The following AMTN variants were observed in gnomAD, a reference collection of about 807,000 sequenced individuals.
The protein encoded by AMTN is amelotin, also known as RSTI689.
Under a neutral mutation model 27.4 loss-of-function variants are expected in AMTN, and 29 were observed. The ratio of observed to expected loss-of-function variants is 1.06; its 90% CI spans 0.79 to 1.44. AMTN has a LOEUF of 1.44. Among genes scored for constraint, AMTN ranks in the 40% most tolerant of loss-of-function variants. AMTN has a pLI of 0.00. For missense variants in AMTN, 247 were observed against 248.8 expected (o/e 0.99, Z 0.05); for synonymous variants, 86 against 95.7 (o/e 0.90, Z 0.59).
At chr4:70,526,030 G>T (rs1248648964) in intron 5 of AMTN, among the ~76,000 whole-genome samples, 2 of 152,122 alleles carry the variant, frequency 1.3e-5, no homozygotes, top group Non-Finnish European at 2.9e-5. Context: ...CAACATAATG[G>T]TCTAATTTTT....
At chr4:70,520,673 G>T (rs949767562) in intron 2 of AMTN, among the ~76,000 whole-genome samples, 20 of 152,168 alleles carry the variant, frequency 1.3e-4, no homozygotes, top group Admixed American at 6.5e-5. Context: ...GATAAATGGT[G>T]AGCAGTCTAA....
chr4:70,531,538 G>T (rs1303879342), intron 8 of AMTN, among the ~76,000 whole-genome samples: 1 of 152,034 alleles, frequency 6.6e-6, no homozygotes, highest in Non-Finnish European at 1.5e-5. Context: ...TTTGAGACAG[G>T]GTCTTGCTCT....
At chr4:70,520,476 G>T (rs1735930572) in intron 2 of AMTN, among the ~76,000 whole-genome samples, 1 of 152,184 alleles carries the variant, frequency 6.6e-6, no homozygotes, top group African/African-American at 2.4e-5. Context: ...AAAACACAAT[G>T]AGTAGAAGAA....
intron 2 of AMTN, among the ~76,000 whole-genome samples, chr4:70,519,701 T>A (rs1735907175): frequency 6.8e-6 from 1 of 146,332 alleles, no homozygotes; most frequent in South Asian, 2.2e-4. Context: ...GACATTAATT[T>A]TTTTTTTAAC....
intron 2 of AMTN, among the ~76,000 whole-genome samples, chr4:70,521,546 T>G (rs1735967267): frequency 1.4e-5 from 2 of 147,616 alleles, no homozygotes; most frequent in Admixed American, 6.8e-5. Context: ...CTTACAAAAT[T>G]TATATATATT....
At chr4:70,528,681 C>T in intron 5 of AMTN, 42 bp from the exon 6 acceptor site, 1 of 1,576,666 alleles carries the variant, frequency 6.3e-7, no homozygotes, top group Non-Finnish European at 8.7e-7. Flanking sequence ...ATACCATCTT[C>T]CAGAGCTTAC....
chr4:70,520,000 T>C (rs978763021), intron 2 of AMTN, among the ~76,000 whole-genome samples: 1 of 127,500 alleles, frequency 7.8e-6, no homozygotes, highest in South Asian at 2.3e-4. Context: ...CAAGGTAAAG[T>C]ATGAAGTTAA....
chr4:70,524,008 A>T, intron 4 of AMTN, 75 bp downstream of exon 4: 1 of 1,244,404 alleles, frequency 8.0e-7, no homozygotes, highest in Non-Finnish European at 1.2e-6. Context: ...TGGGGGGAGC[A>T]TGTATATGGG....
Position 70,524,915 on chromosome 4 carries a change from C to T in AMTN, c.248C>T (p.Pro83Leu). ...AGMTPGTQTH[P>L]LTLGGLNVQQ... ...ATGACACCTGGTACCCAGACCCACC[C>T]ATTGACCCTGGGAGGGTTGAATGTA... The change falls in exon 5 of 9, where the codon CCA (proline) becomes CTA (leucine). Residue 83 changes from proline to leucine, a missense_variant. Coordinates refer to ENST00000339336, the MANE Select transcript of AMTN (RefSeq NM_212557.4). 1 of 1,614,084 alleles carries T rather than the reference C, an allele frequency of 6.2e-7. No individual in the cohort carries two copies. Among genetic ancestry groups the T allele is most frequent in the Non-Finnish European group, 8.5e-7 (1 of 1,179,956 alleles).
chr4:70,529,356 T>C (rs1577935497), intron 7 of AMTN, 146 bp downstream of exon 7: 1 of 484,944 alleles, frequency 2.1e-6, no homozygotes, highest in Middle Eastern at 5.7e-4. Context: ...TACATTAGAT[T>C]ATCCTTTCTT....
Position 70,531,092 on chromosome 4 carries a change from GC to G in AMTN, c.414del (p.Thr139ProfsTer22), listed in dbSNP as rs1352387813. 6.2e-7 allele frequency: 1 copy of G among 1,613,862 alleles called. No homozygotes were observed. The highest frequency in any genetic ancestry group is 1.3e-5 in the African/African-American group (1 of 74,876). Reference sequence around the variant, plus strand: ...ATTCCTTGTTCCCGGGAGGCATCCTGCCCACCAGTCAGGCAGGGGCTAATCC... The same window carrying G: ...ATTCCTTGTTCCCGGGAGGCATCCTGCCACCAGTCAGGCAGGGGCTAATCC... ...IHSLFPGGIL[P>X]TSQAGANPDV... On this transcript the variant is annotated frameshift_variant, in exon 8 of 9. Coordinates refer to ENST00000339336, the MANE Select transcript of AMTN (RefSeq NM_212557.4). LOFTEE classifies it high-confidence loss of function.
chr4:70,526,534 T>C (rs937975809), intron 5 of AMTN, among the ~76,000 whole-genome samples: 2 of 152,160 alleles, frequency 1.3e-5, no homozygotes, highest in Non-Finnish European at 2.9e-5. Context: ...ACAAAGTATC[T>C]TGATAATAAA....
intron 5 of AMTN, among the ~76,000 whole-genome samples, chr4:70,528,260 G>T (rs1368604768): frequency 6.6e-6 from 1 of 152,054 alleles, no homozygotes; most frequent in African/African-American, 2.4e-5. Flanking sequence ...AATTGGAAAA[G>T]TTCCAAACTC....
intron 2 of AMTN, 138 bp downstream of exon 2, chr4:70,518,969 C>T: frequency 1.3e-6 from 1 of 743,500 alleles, no homozygotes; most frequent in East Asian, 2.6e-5. Flanking sequence ...GTTTATTTTC[C>T]AAGACAGAAA....
Position 70,518,752 on chromosome 4 carries a change from T to C in AMTN, c.-15-11T>C. 1 of 1,553,708 alleles carries C rather than the reference T, an allele frequency of 6.4e-7. No individual in the cohort carries two copies. The highest frequency in any genetic ancestry group is 8.9e-7 in the Non-Finnish European group (1 of 1,125,708). ...AATACATGGAAGAGTAACACTTTTT[T>C]GTTGTTGTAGGTAGCAATCTGAAAC... On this transcript the variant is annotated splice_polypyrimidine_tract_variant and intron_variant, in intron 1 of 8. Transcript: ENST00000339336.
intron 4 of AMTN, 120 bp from the exon 5 acceptor site, chr4:70,524,752 A>G: frequency 3.4e-6 from 3 of 882,798 alleles, no homozygotes; most frequent in Non-Finnish European, 5.5e-6. Context: ...ATAGAACACT[A>G]TGTATTTACA....
intron 2 of AMTN, among the ~76,000 whole-genome samples, chr4:70,520,697 A>G (rs904906632): frequency 6.6e-6 from 1 of 152,224 alleles, no homozygotes; most frequent in African/African-American, 2.4e-5. Flanking sequence ...AGTAGGTCAC[A>G]TGACAGGTTA....
intron 5 of AMTN, among the ~76,000 whole-genome samples, 199 bp downstream of exon 5, chr4:70,525,160 T>C (rs1736074818): frequency 6.6e-6 from 1 of 152,180 alleles, no homozygotes; most frequent in Non-Finnish European, 1.5e-5. Context: ...GAACTGACCA[T>C]GCTACCTCAC....
intron 6 of AMTN, 73 bp downstream of exon 6, chr4:70,528,831 C>A: frequency 7.7e-7 from 1 of 1,304,566 alleles, no homozygotes; most frequent in Non-Finnish European, 1.1e-6. Flanking sequence ...TTCCTCAATT[C>A]ACTAGATAGT....
Sources: gnomAD v4.1 joint callset for allele counts (sites outside exome capture counted in the v4.1 genomes callset) on GRCh38, gnomAD v4.1.1 for gene constraint, MANE v1.5 for transcripts, NCBI Gene and HGNC (gene_info 2026-07-23, HGNC 2026-07-21) for gene names.